Variants in OR51B5 observed in about 807,000 individuals in gnomAD.
OR51B5 encodes olfactory receptor family 51 subfamily B member 5, also known as olfactory receptor 51B5.
For synonymous variants in OR51B5, 186 were observed against 144.8 expected, an observed-to-expected ratio of 1.28 and a Z score of -2.04; for missense variants, 456 against 374.6, an observed-to-expected ratio of 1.22 and a Z score of -1.79.
At chr11:5,481,594 G>T (rs1243544630) in intron 1 of OR51B5, among the ~76,000 whole-genome samples, 1 of 150,536 alleles carries the variant, frequency 6.6e-6, no homozygotes, top group South Asian at 2.1e-4. Flanking sequence ...TGACATGAAT[G>T]TGTATCTAGA....
intron 1 of OR51B5, chr11:5,453,915 G>C: frequency 1.2e-6 from 2 of 1,614,214 alleles, no homozygotes; most frequent in African/African-American, 1.3e-5. Context: ...AGTCATTGCT[G>C]CAATGGGTTT....
chr11:5,455,441 C>G (rs1311972081), intron 1 of OR51B5: 2 of 151,106 alleles, frequency 1.3e-5, no homozygotes, highest in Non-Finnish European at 2.9e-5. Context: ...TCATACGCTT[C>G]CCTTGATACC....
chr11:5,378,776 C>CAGTT (rs1320914688), intron 1 of OR51B5, among the ~76,000 whole-genome samples: 2 of 151,716 alleles, frequency 1.3e-5, no homozygotes, highest in Non-Finnish European at 2.9e-5. Context: ...CATCTCATAC[C>CAGTT]AGTTAGAATG....
At chr11:5,430,881 G>A (rs984835846) in intron 1 of OR51B5, 8 of 457,102 alleles carry the variant, frequency 1.8e-5, no homozygotes, top group Non-Finnish European at 2.6e-5. Context: ...ACACACATGT[G>A]TTGAGAGCCT....
At chr11:5,404,422 G>C (rs943230856) in intron 1 of OR51B5, among the ~76,000 whole-genome samples, 1 of 152,124 alleles carries the variant, frequency 6.6e-6, no homozygotes, top group South Asian at 2.1e-4. Flanking sequence ...GCACCAACTA[G>C]TGCTCTGTGT....
chr11:5,472,909 A>T (rs773304891), intron 1 of OR51B5, among the ~76,000 whole-genome samples: 4 of 152,186 alleles, frequency 2.6e-5, no homozygotes, highest in Non-Finnish European at 5.9e-5. Flanking sequence ...AAATAAGGTG[A>T]CCATCCTTGT....
intron 1 of OR51B5, among the ~76,000 whole-genome samples, chr11:5,386,953 G>A (rs1014317041): frequency 3.3e-5 from 5 of 152,050 alleles, no homozygotes; most frequent in South Asian, 2.1e-4. Flanking sequence ...AATATTAGAC[G>A]TGTTGAGTTT....
At chr11:5,412,153 C>A (rs1850157929) in intron 1 of OR51B5, among the ~76,000 whole-genome samples, 1 of 152,252 alleles carries the variant, frequency 6.6e-6, no homozygotes, top group South Asian at 2.1e-4. Context: ...GGACATTACA[C>A]TCTGTGGATC....
chr11:5,448,137 T>C (rs1850795535), intron 1 of OR51B5, among the ~76,000 whole-genome samples: 1 of 152,350 alleles, frequency 6.6e-6, no homozygotes, highest in African/African-American at 2.4e-5. Context: ...TATTCCCTTT[T>C]TGTCTTGTGT....
rs200286024 is a variant in OR51B5 at position 5,454,087 on chromosome 11, T to C, written n.84+51482A>G. The C allele has an allele frequency of 2.0e-5, 33 of 1,614,212 alleles. 1 individual carries two copies. In the East Asian group the frequency reaches 7.4e-4, roughly 36 times the overall value. On this transcript the variant is annotated intron_variant and non_coding_transcript_variant, in intron 1 of 4. Transcript: ENST00000415970. The stretch of plus-strand genomic sequence containing the variant: ...ATCAGTATCAACAGCATCTATGGAC[T>C]CTTTGTTCTTGTATCCACCTTTGGC...
Position 5,389,798 on chromosome 11 carries a change from C to T in OR51B5, n.85-42888G>A, listed in dbSNP as rs74683499. On this transcript the variant is annotated intron_variant and non_coding_transcript_variant, in intron 1 of 4. Transcript: ENST00000415970. ...AGTGCTCCTCATGATGTCCTTTGAC[C>T]GCCTTGTGGCCATCTGCCACCCTCT... is the stretch of plus-strand genomic sequence containing the variant. 4,626 of 1,613,856 alleles carry T rather than the reference C, an allele frequency of 2.9e-3. 92 individuals are homozygous for T. The African/African-American group carries it at 0.051, about 18-fold the overall frequency.
intron 1 of OR51B5, among the ~76,000 whole-genome samples, chr11:5,442,580 A>G (rs977978744): frequency 6.6e-6 from 1 of 152,152 alleles, no homozygotes; most frequent in African/African-American, 2.4e-5. Context: ...ACCCTTTCCC[A>G]ATTCTTAACC....
chr11:5,496,717 A>C (rs1851654985), intron 1 of OR51B5, among the ~76,000 whole-genome samples: 1 of 152,198 alleles, frequency 6.6e-6, no homozygotes, highest in Non-Finnish European at 1.5e-5. Flanking sequence ...TGACACTAGA[A>C]GTGGAGTTTC....
intron 1 of OR51B5, among the ~76,000 whole-genome samples, chr11:5,381,534 G>C (rs139984112): frequency 6.6e-6 from 1 of 152,178 alleles, no homozygotes; most frequent in African/African-American, 2.4e-5. Flanking sequence ...TGGAAACTTC[G>C]TTGAACAATC....
At chr11:5,494,398 C>T (rs1851620197) in intron 1 of OR51B5, among the ~76,000 whole-genome samples, 1 of 152,160 alleles carries the variant, frequency 6.6e-6, no homozygotes, top group African/African-American at 2.4e-5. Flanking sequence ...TCCCAGTCCA[C>T]TTACATACTT....
rs947487571 is a variant in OR51B5 at position 5,414,421 on chromosome 11, C to T, written n.85-67511G>A. Among the ~76,000 whole-genome samples, 151 of 149,986 alleles carry T rather than the reference C, an allele frequency of 1.0e-3. 1 individual carries two copies. The highest frequency in any genetic ancestry group is 3.6e-3 in the African/African-American group (148 of 40,988). ...AACATCATAATGACAGGATCAAATT[C>T]ACACATAACAATATTAACTTTAAAA... On this transcript the variant is annotated intron_variant and non_coding_transcript_variant, in intron 1 of 4. Coordinates refer to the OR51B5 transcript ENST00000415970.
intron 1 of OR51B5, chr11:5,390,643 TC>T (rs1849781814): frequency 2.5e-6 from 1 of 402,326 alleles, no homozygotes; most frequent in Admixed American, 4.0e-5. Context: ...AAGGTCATCA[TC>T]AATGTAACTA....
chr11:5,483,864 A>C (rs1373373027), intron 1 of OR51B5, among the ~76,000 whole-genome samples: 1 of 152,198 alleles, frequency 6.6e-6, no homozygotes, highest in Non-Finnish European at 1.5e-5. Context: ...TGAAGACATT[A>C]GCCCAGAAAA....
At chr11:5,390,314 A>G in intron 1 of OR51B5, 1 of 1,613,614 alleles carries the variant, frequency 6.2e-7, no homozygotes. Context: ...CATATACAGC[A>G]TTAAGACCAA....
Sources: gnomAD v4.1 joint callset for allele counts (sites outside exome capture counted in the v4.1 genomes callset) on GRCh38, gnomAD v4.1.1 for gene constraint, MANE v1.5 for transcripts, NCBI Gene and HGNC (gene_info 2026-07-23, HGNC 2026-07-21) for gene names.